PRKAR1B: variants seen among roughly 807,000 people sequenced by gnomAD.
PRKAR1B encodes the protein cAMP-dependent protein kinase type I-beta regulatory subunit.
PRKAR1B carries 22 observed loss-of-function variants against 46.5 expected under a neutral mutation model. The ratio of observed to expected loss-of-function variants is 0.47; its 90% CI spans 0.34 to 0.68. The LOEUF is 0.68. Ranked by LOEUF, PRKAR1B falls within the 30% of genes least tolerant of loss-of-function variation. The pLI, the probability that PRKAR1B is intolerant of heterozygous loss-of-function variation, is 0.01. For missense variants in PRKAR1B, 445 were observed against 535.6 expected, an observed-to-expected ratio of 0.83 and a Z score of 1.67; for synonymous variants, 259 against 217.7, an observed-to-expected ratio of 1.19 and a Z score of -1.67.
At chr7:720,206 G>A (rs1781024632) in intron 1 of PRKAR1B, among the ~76,000 whole-genome samples, 2 of 152,044 alleles carry the variant, frequency 1.3e-5, no homozygotes, top group South Asian at 4.2e-4. Flanking sequence ...ACAGGTGCGT[G>A]CCACCACACC....
At chr7:647,671 TG>T (rs1378636463) in intron 4 of PRKAR1B, among the ~76,000 whole-genome samples, 1 of 151,438 alleles carries the variant, frequency 6.6e-6, no homozygotes, top group Non-Finnish European at 1.5e-5. Context: ...CCGGGCGAGG[TG>T]GCAGGCGCCT....
chr7:623,524 C>T (rs1022619302), intron 4 of PRKAR1B, among the ~76,000 whole-genome samples: 1 of 152,246 alleles, frequency 6.6e-6, no homozygotes, highest in African/African-American at 2.4e-5. Flanking sequence ...AGGCTCCTCA[C>T]ACCCACCACC....
chr7:720,767 G>A (rs145750196), intron 1 of PRKAR1B, among the ~76,000 whole-genome samples: 14 of 152,262 alleles, frequency 9.2e-5, no homozygotes, highest in African/African-American at 1.9e-4. Context: ...AGCCACTCCC[G>A]CTTTTTAAAA....
At chr7:722,226 C>T (rs1003659121) in intron 1 of PRKAR1B, among the ~76,000 whole-genome samples, 3 of 151,736 alleles carry the variant, frequency 2.0e-5, no homozygotes, top group East Asian at 1.9e-4. Context: ...TCAGCCTCCC[C>T]GAGTAGCTGG....
intron 9 of PRKAR1B, among the ~76,000 whole-genome samples, 164 bp from the exon 10 acceptor site, chr7:551,634 C>G (rs1583185428): frequency 6.6e-6 from 1 of 150,440 alleles, no homozygotes; most frequent in African/African-American, 2.5e-5. Context: ...AAACCCCCAC[C>G]TCCCACCCAG....
intron 7 of PRKAR1B, among the ~76,000 whole-genome samples, chr7:595,001 C>T (rs764771237): frequency 3.1e-4 from 47 of 152,236 alleles, no homozygotes; most frequent in Non-Finnish European, 5.0e-4. Flanking sequence ...GGCCCCAAAC[C>T]GGCCCAGGGA....
At position 667,105 on chromosome 7, in the gene PRKAR1B, CGAT is replaced by C. The variant is rs1210220052; in HGVS notation, c.440+10121_440+10123del. On this transcript the variant is annotated intron_variant, in intron 4 of 10. Coordinates refer to ENST00000537384, the MANE Select transcript of PRKAR1B (RefSeq NM_001164760.2). The surrounding 1 kb of genome is among the most constrained non-coding windows in gnomAD (Gnocchi z 4.3). Reference sequence around the variant, plus strand: ...ATGGTGATGATGATGGTGGTGATAACGATGATGATGGCAATGGTGGTGATGAGG... The same window carrying C: ...ATGGTGATGATGATGGTGGTGATAACGATGATGGCAATGGTGGTGATGAGG... 2.2e-4 allele frequency among the ~76,000 whole-genome samples: 26 copies of C among 115,686 alleles called. 1 individual carries two copies. Among genetic ancestry groups the C allele is most frequent in the South Asian group, 1.5e-3 (6 of 3,928 alleles). 75.9% of individuals were successfully genotyped at this position (115,686 alleles called of 152,430 possible).
At chr7:633,919 G>A (rs1025441022) in intron 4 of PRKAR1B, among the ~76,000 whole-genome samples, 2 of 152,188 alleles carry the variant, frequency 1.3e-5, no homozygotes, top group Non-Finnish European at 2.9e-5. Context: ...AGGCACAGTG[G>A]CTCACACCTG....
At chr7:568,754 A>C (rs1779321439) in intron 9 of PRKAR1B, among the ~76,000 whole-genome samples, 1 of 152,174 alleles carries the variant, frequency 6.6e-6, no homozygotes, top group African/African-American at 2.4e-5. Flanking sequence ...TTACGGCAAT[A>C]GTCTTTGCAT....
At position 618,143 on chromosome 7, in the gene PRKAR1B, C is replaced by T. The variant is rs533196026; in HGVS notation, c.441-10691G>A. 3.9e-5 allele frequency among the ~76,000 whole-genome samples: 6 copies of T among 152,238 alleles called. 1 individual carries two copies. The highest frequency in any genetic ancestry group is 7.2e-5 in the African/African-American group (3 of 41,540). On this transcript the variant is annotated intron_variant, in intron 4 of 10. Transcript: ENST00000537384. ...CAGGGCAAGGTCCAGGAACACAGCC[C>T]GCACACCCATATCCCTGCACTCAGC... is the stretch of plus-strand genomic sequence containing the variant.
intron 1 of PRKAR1B, among the ~76,000 whole-genome samples, chr7:723,888 G>C (rs1318100928): frequency 6.6e-6 from 1 of 152,192 alleles, no homozygotes; most frequent in Non-Finnish European, 1.5e-5. Context: ...AAACAAATTT[G>C]ATTTCTCAAG....
chr7:702,468 G>A (rs1473432395), intron 2 of PRKAR1B, among the ~76,000 whole-genome samples: 1 of 152,112 alleles, frequency 6.6e-6, no homozygotes, highest in Admixed American at 6.6e-5. Context: ...ATTTCTTGAA[G>A]GACATAAATT....
At position 708,854 on chromosome 7, in the gene PRKAR1B, G is replaced by A. The variant is rs533047846; in HGVS notation, c.177+2475C>T. The stretch of plus-strand genomic sequence containing the variant: ...GTCGCCCAGGCCAGAGTGCAGTGAC[G>A]CATCTTTGCTCACTGCAACCTCCAC... On this transcript the variant is annotated intron_variant, in intron 2 of 10. Transcript: ENST00000537384. Among the ~76,000 whole-genome samples the A allele has an allele frequency of 2.0e-4, 29 of 143,858 alleles. 1 individual carries two copies. The highest frequency in any genetic ancestry group is 7.1e-4 in the Admixed American group (10 of 14,088). The allele number at this position is 143,858 out of a possible 152,430, so 94.4% of individuals were successfully genotyped here.
chr7:590,465 A>G (rs112791756), intron 7 of PRKAR1B, among the ~76,000 whole-genome samples: 88 of 152,110 alleles, frequency 5.8e-4, no homozygotes, highest in African/African-American at 2.0e-3. Flanking sequence ...AGAGACCAGC[A>G]GGGTGGGGGC....
At chr7:591,196 G>C (rs1020729664) in intron 7 of PRKAR1B, among the ~76,000 whole-genome samples, 1 of 152,192 alleles carries the variant, frequency 6.6e-6, no homozygotes, top group African/African-American at 2.4e-5. Flanking sequence ...CGGCCCCAAA[G>C]ACTGCCCCTT....
chr7:711,167 C>A (rs910499866), intron 2 of PRKAR1B, among the ~76,000 whole-genome samples, 162 bp downstream of exon 2: 1 of 152,152 alleles, frequency 6.6e-6, no homozygotes, highest in Non-Finnish European at 1.5e-5. Context: ...GGCCCCAGGT[C>A]GGCCTCTCTC....
intron 4 of PRKAR1B, among the ~76,000 whole-genome samples, chr7:634,680 C>T (rs1783944974): frequency 6.6e-6 from 1 of 151,450 alleles, no homozygotes; most frequent in Non-Finnish European, 1.5e-5. Context: ...CGCTCTTTCA[C>T]CCAGGCTAGA....
chr7:712,141 G>T (rs1451559357), intron 1 of PRKAR1B, among the ~76,000 whole-genome samples: 1 of 151,292 alleles, frequency 6.6e-6, no homozygotes. Context: ...GCACCGCACC[G>T]CGGGGCGCAG....
intron 4 of PRKAR1B, among the ~76,000 whole-genome samples, chr7:610,632 G>A (rs984294048): frequency 2.0e-5 from 3 of 152,094 alleles, no homozygotes; most frequent in African/African-American, 7.2e-5. Context: ...CAACAGCCCC[G>A]AGGTGAGGTC....
Sources: gnomAD v4.1 joint callset for allele counts (sites outside exome capture counted in the v4.1 genomes callset) on GRCh38, gnomAD v4.1.1 for gene constraint, Gnocchi (gnomAD v3.1) non-coding constraint, MANE v1.5 for transcripts, NCBI Gene and HGNC (gene_info 2026-07-23, HGNC 2026-07-21) for gene names.